APBB2: variants seen among roughly 807,000 people sequenced by gnomAD.
APBB2 encodes amyloid beta precursor protein binding family B member 2, also known as Fe65-like 1.
A neutral mutation model predicts 82.5 loss-of-function variants in APBB2; 38 were observed. The observed-to-expected ratio is 0.46, with a 90% CI of 0.36 to 0.60. The LOEUF is 0.60. Ranked by LOEUF, APBB2 falls within the 20% of genes least tolerant of loss-of-function variation. The pLI is 0.00. For missense variants in APBB2, 772 were observed against 972.3 expected (o/e 0.79, Z 2.74); for synonymous variants, 341 against 368.2 (o/e 0.93, Z 0.85).
chr4:41,069,847 GA>G (rs1485767560), intron 3 of APBB2, among the ~76,000 whole-genome samples: 1 of 152,192 alleles, frequency 6.6e-6, no homozygotes, highest in Admixed American at 6.5e-5. Flanking sequence ...ACTTTTCACA[GA>G]AGAAAATCTT....
intron 1 of APBB2, among the ~76,000 whole-genome samples, chr4:41,165,930 G>A (rs1296994239): frequency 6.8e-6 from 1 of 146,486 alleles, no homozygotes; most frequent in African/African-American, 2.5e-5. Context: ...CTGGAGTGCA[G>A]TGGCGCGATC....
At chr4:40,878,004 T>C (rs1349987800) in intron 12 of APBB2, among the ~76,000 whole-genome samples, 2 of 151,850 alleles carry the variant, frequency 1.3e-5, no homozygotes, top group African/African-American at 4.8e-5. Flanking sequence ...GCTGGAGCAT[T>C]TTCCTAAAGG....
chr4:41,060,367 T>C (rs1217081816), intron 4 of APBB2, among the ~76,000 whole-genome samples: 1 of 152,218 alleles, frequency 6.6e-6, no homozygotes, highest in Non-Finnish European at 1.5e-5. Flanking sequence ...GAGCTAAGTT[T>C]CTAAGCAAGT....
chr4:40,907,363 ATATATATATATATATATTTTTTTTTT>A (rs1365809348), intron 10 of APBB2, among the ~76,000 whole-genome samples: 1 of 91,230 alleles, frequency 1.1e-5, no homozygotes, highest in African/African-American at 5.4e-5. Flanking sequence ...ATATATATAT[ATATATATATATATATATTTTTTTTTT>A]TTTTTTTTTT....
chr4:41,187,085 C>A (rs1773101442), intron 1 of APBB2, among the ~76,000 whole-genome samples: 1 of 152,118 alleles, frequency 6.6e-6, no homozygotes, highest in Non-Finnish European at 1.5e-5. Flanking sequence ...TAGCAAACAA[C>A]CCCAGCACAG....
In APBB2 at chr4:40,935,103, C is replaced by T. The variant is rs1260133960; in HGVS notation, c.1081G>A (p.Gly361Arg). The T allele has an allele frequency of 6.5e-7, 1 of 1,535,764 alleles. No individual in the cohort carries two copies. The highest frequency in any genetic ancestry group is 1.4e-5 in the African/African-American group (1 of 72,970). Residue 361 changes from glycine to arginine, a missense_variant, in exon 8 of 18, where the codon GGA (glycine) becomes AGA (arginine). Transcript: ENST00000508593. ...TTCCAAATGTCACTATTAATCTTTC[C>T]CCCATTCAGAACAGCAAAATCACTC... is the stretch of plus-strand genomic sequence containing the variant. Reference protein sequence around the residue: ...PWSDFAVLNGGKINSDIWKDL... With the variant: ...PWSDFAVLNGRKINSDIWKDL...
rs1785078127 is a variant in APBB2 at position 40,935,113 on chromosome 4, A to G, written c.1071T>C (p.Val357=). 1 of 1,536,090 alleles carries G rather than the reference A, an allele frequency of 6.5e-7. No individual in the cohort carries two copies. The highest frequency in any genetic ancestry group is 1.4e-5 in the African/African-American group (1 of 73,146). The change falls in exon 8 of 18, where the codon GTT becomes GTC. Residue 357 remains valine (V), a synonymous_variant. Coordinates refer to ENST00000508593, the MANE Select transcript of APBB2 (RefSeq NM_004307.2). The stretch of plus-strand genomic sequence containing the variant: ...CACTATTAATCTTTCCCCCATTCAG[A>G]ACAGCAAAATCACTCCATGGCTGTT... ...NEKQPWSDFA[V]LNGGKINSDI...
intron 10 of APBB2, among the ~76,000 whole-genome samples, chr4:40,908,101 G>A (rs1343873556): frequency 6.6e-6 from 1 of 151,760 alleles, no homozygotes; most frequent in Non-Finnish European, 1.5e-5. Context: ...GTGTGTGTGT[G>A]TGGTATCCTT....
intron 4 of APBB2, among the ~76,000 whole-genome samples, chr4:41,048,856 G>C (rs1164316078): frequency 6.6e-6 from 1 of 152,146 alleles, no homozygotes; most frequent in Non-Finnish European, 1.5e-5. Context: ...TATTTTTTTG[G>C]TGGAGACAGG....
chr4:41,035,966 C>T (rs1276595408), intron 4 of APBB2, among the ~76,000 whole-genome samples: 5 of 151,966 alleles, frequency 3.3e-5, no homozygotes, highest in African/African-American at 4.8e-5. Flanking sequence ...TGAGACCAGC[C>T]TGGGCAACAC....
At chr4:41,106,145 A>G (rs1382618425) in intron 2 of APBB2, among the ~76,000 whole-genome samples, 1 of 152,190 alleles carries the variant, frequency 6.6e-6, no homozygotes, top group Non-Finnish European at 1.5e-5. Context: ...TTATCTTACC[A>G]TTAATGGATA....
intron 1 of APBB2, among the ~76,000 whole-genome samples, chr4:41,180,831 C>T (rs1771133612): frequency 6.6e-6 from 1 of 152,114 alleles, no homozygotes; most frequent in Non-Finnish European, 1.5e-5. Context: ...TTAAGAAAAG[C>T]TTCTCCTGTA....
intron 1 of APBB2, among the ~76,000 whole-genome samples, chr4:41,148,784 A>C (rs1761464225): frequency 6.6e-6 from 1 of 152,166 alleles, no homozygotes; most frequent in South Asian, 2.1e-4. Flanking sequence ...ACATTTTTTT[A>C]GCGAGCAATC....
rs1779199067 is a variant in APBB2 at position 41,211,051 on chromosome 4, T to TG, written c.-417+3353dup. On this transcript the variant is annotated intron_variant, in intron 1 of 17. Transcript: ENST00000508593. Reference sequence around the variant, plus strand: ...TGGTGGACCTCCTGAGGTCAGGACTTGGAGACCAGCCTGGCCAACATGGTG... The same window carrying TG: ...TGGTGGACCTCCTGAGGTCAGGACTTGGGAGACCAGCCTGGCCAACATGGTG... 2.0e-5 allele frequency among the ~76,000 whole-genome samples: 3 copies of TG among 152,226 alleles called. No homozygotes were observed. In the South Asian group the frequency reaches 6.3e-4, roughly 32 times the overall value.
chr4:40,990,334 TTCTCTCTC>T (rs913542652), intron 6 of APBB2: 9 of 152,050 alleles, frequency 5.9e-5, no homozygotes, highest in African/African-American at 2.2e-4. Flanking sequence ...CTCTCTCTCT[TTCTCTCTC>T]CAGCTGTTGT....
chr4:40,962,829 C>T (rs773513788), intron 6 of APBB2, among the ~76,000 whole-genome samples: 1 of 152,108 alleles, frequency 6.6e-6, no homozygotes, highest in Non-Finnish European at 1.5e-5. Context: ...GCTATGACAT[C>T]CAAAAAAGAT....
At chr4:40,935,835 TA>T (rs1785258845) in intron 7 of APBB2, among the ~76,000 whole-genome samples, 2 of 152,188 alleles carry the variant, frequency 1.3e-5, no homozygotes, top group Non-Finnish European at 2.9e-5. Context: ...AACGTAATTA[TA>T]GTGCAAGGCA....
intron 6 of APBB2, among the ~76,000 whole-genome samples, chr4:40,954,376 G>C (rs73152308): frequency 6.6e-6 from 1 of 152,082 alleles, no homozygotes; most frequent in Non-Finnish European, 1.5e-5. Context: ...TGAAAGGCAC[G>C]GGGTGGAGAG....
intron 4 of APBB2, among the ~76,000 whole-genome samples, chr4:41,049,573 A>G (rs137919682): frequency 0.079 from 11,132 of 141,592 alleles, 1,449 homozygotes; most frequent in African/African-American, 0.28. Flanking sequence ...CCTCTGCCCA[A>G]CCGCCCCTTC....
Sources: gnomAD v4.1 joint callset for allele counts (sites outside exome capture counted in the v4.1 genomes callset) on GRCh38, gnomAD v4.1.1 for gene constraint, MANE v1.5 for transcripts, NCBI Gene and HGNC (gene_info 2026-07-23, HGNC 2026-07-21) for gene names.